Variants in ZPBP observed in about 807,000 individuals in gnomAD.
The protein encoded by ZPBP is zona pellucida binding protein, also known as zona pellucida-binding protein 1.
In ZPBP, 26 loss-of-function variants were observed where a neutral mutation model predicts 44.8. The observed-to-expected ratio is 0.58, with a 90% CI of 0.43 to 0.81. The LOEUF is 0.81. Ranked by LOEUF, ZPBP falls within the 30% of genes least tolerant of loss-of-function variation. The pLI is 0.00. For synonymous variants in ZPBP, 174 were observed against 153.2 expected (o/e 1.14, Z -1.00); for missense variants, 409 against 434.0 (o/e 0.94, Z 0.51).
At chr7:49,872,220 C>T (rs889643328) in intron 2 of ZPBP, among the ~76,000 whole-genome samples, 2 of 151,942 alleles carry the variant, frequency 1.3e-5, no homozygotes, top group South Asian at 2.1e-4. Context: ...TTAGTGACAT[C>T]GCTGGGGGTG....
intron 1 of ZPBP, among the ~76,000 whole-genome samples, chr7:49,923,245 C>G (rs1562778414): frequency 6.6e-6 from 1 of 152,032 alleles, no homozygotes; most frequent in Non-Finnish European, 1.5e-5. Context: ...CAAAGAATTC[C>G]CAAGTAGCAG....
intron 2 of ZPBP, among the ~76,000 whole-genome samples, chr7:49,892,076 G>T (rs1792161772): frequency 9.4e-6 from 1 of 106,782 alleles, no homozygotes; most frequent in Admixed American, 1.6e-4. Context: ...ACGGAGTCTC[G>T]CTCTGTGGCC....
At chr7:49,874,047 A>T (rs1223318508) in intron 2 of ZPBP, among the ~76,000 whole-genome samples, 2 of 152,084 alleles carry the variant, frequency 1.3e-5, no homozygotes, top group African/African-American at 4.8e-5. Context: ...TATAGCATAC[A>T]TGGCATATTT....
At chr7:49,969,509 C>A (rs1172386636) in intron 7 of ZPBP, among the ~76,000 whole-genome samples, 79 of 138,398 alleles carry the variant, frequency 5.7e-4, no homozygotes, top group South Asian at 6.8e-4. Flanking sequence ...ATAGTATGGT[C>A]AAAAAAAAAA....
chr7:49,902,929 C>T (rs1583797351), intron 1 of ZPBP, among the ~76,000 whole-genome samples: 1 of 151,968 alleles, frequency 6.6e-6, no homozygotes, highest in African/African-American at 2.4e-5. Flanking sequence ...AATAAAAACA[C>T]CAAACAATTC....
chr7:49,975,385 C>T lies in ZPBP; in HGVS notation c.961+7957G>A, dbSNP rs576916391. 5.9e-5 allele frequency among the ~76,000 whole-genome samples: 9 copies of T among 152,230 alleles called. No individual in the cohort carries two copies. The East Asian group carries it at 1.4e-3, about 23-fold the overall frequency. ...CTTCTCATAGTTTCCTGACTGCTCC[C>T]CAAGTCAGATTCAGGGTTTTGGAGG... On this transcript the variant is annotated intron_variant, in intron 7 of 7. Transcript: ENST00000046087.
At position 49,867,407 on chromosome 7, in the gene ZPBP, G is replaced by A. The variant is rs1329648241; in HGVS notation, n.510-16893C>T. ...CACAGAGAGGACAGATCTGGAGGACGAAGTAAGGGAAGGAGTACAGGTCAA... is the reference window on the plus strand; with the variant it reads ...CACAGAGAGGACAGATCTGGAGGACAAAGTAAGGGAAGGAGTACAGGTCAA... On this transcript the variant is annotated intron_variant and non_coding_transcript_variant, in intron 2 of 2. Transcript: ENST00000465922. Among the ~76,000 whole-genome samples, 3 of 152,188 alleles carry A rather than the reference G, an allele frequency of 2.0e-5. 1 individual carries two copies. The highest frequency in any genetic ancestry group is 7.2e-5 in the African/African-American group (3 of 41,442).
intron 2 of ZPBP, among the ~76,000 whole-genome samples, chr7:49,874,681 G>A (rs1791324221): frequency 6.6e-6 from 1 of 152,058 alleles, no homozygotes; most frequent in Admixed American, 6.5e-5. Context: ...TTATAAAATT[G>A]CTGTAACCTT....
rs758079382 is a variant in ZPBP at position 50,081,817 on chromosome 7, G to A, written c.291C>T (p.Asp97=). The part of the protein sequence containing the change: ...TQQLRNAELI[D]PSFQWYGPKG... Reference sequence around the variant, plus strand: ...TAGGCCCATACCATTGGAATGATGGGTCTATCAGTTCAGCATTTCGCAGTT... The same window carrying A: ...TAGGCCCATACCATTGGAATGATGGATCTATCAGTTCAGCATTTCGCAGTT... The change falls in exon 3 of 8, where the codon GAC becomes GAT. Residue 97 remains aspartate, a synonymous_variant. Transcript: ENST00000046087. 1.7e-5 allele frequency: 27 copies of A among 1,611,444 alleles called. No individual in the cohort carries two copies. The Admixed American group carries it at 4.0e-4, about 24-fold the overall frequency.
chr7:50,069,833 G>T (rs1181649690), intron 3 of ZPBP, among the ~76,000 whole-genome samples: 2 of 152,010 alleles, frequency 1.3e-5, no homozygotes, highest in Non-Finnish European at 2.9e-5. Flanking sequence ...GTCATAGCCT[G>T]CTGCGGCTAC....
intron 6 of ZPBP, among the ~76,000 whole-genome samples, chr7:49,990,706 A>G (rs1032862740): frequency 6.6e-6 from 1 of 152,246 alleles, no homozygotes; most frequent in Non-Finnish European, 1.5e-5. Context: ...AGCAATCTGT[A>G]AAATAAACAC....
chr7:50,085,192 T>C (rs1262740130), intron 2 of ZPBP, among the ~76,000 whole-genome samples: 3 of 152,130 alleles, frequency 2.0e-5, no homozygotes, highest in East Asian at 3.9e-4. Context: ...TACAGAGTGA[T>C]AGGGAAAAGA....
At chr7:49,869,173 T>C (rs554356981) in intron 2 of ZPBP, among the ~76,000 whole-genome samples, 1 of 152,218 alleles carries the variant, frequency 6.6e-6, no homozygotes, top group East Asian at 1.9e-4. Context: ...AGGGCACAAA[T>C]ATGAATAAAA....
intron 7 of ZPBP, among the ~76,000 whole-genome samples, chr7:49,964,238 T>C (rs1370319882): frequency 6.6e-6 from 1 of 151,930 alleles, no homozygotes; most frequent in African/African-American, 2.4e-5. Flanking sequence ...GAGGAAAATA[T>C]AAGCATAGCT....
At chr7:49,874,722 C>T (rs753800341) in intron 2 of ZPBP, among the ~76,000 whole-genome samples, 1 of 152,186 alleles carries the variant, frequency 6.6e-6, no homozygotes, top group Admixed American at 6.5e-5. Context: ...AAAGACTCCA[C>T]TAGCAGGCCT....
At chr7:50,065,034 A>G (rs968530991) in intron 3 of ZPBP, among the ~76,000 whole-genome samples, 5 of 152,182 alleles carry the variant, frequency 3.3e-5, no homozygotes, top group Admixed American at 2.6e-4. Flanking sequence ...AATCTTCACA[A>G]TCCACGTTCT....
intron 6 of ZPBP, among the ~76,000 whole-genome samples, chr7:50,003,712 T>TG (rs1400409933): frequency 7.9e-5 from 12 of 152,128 alleles, no homozygotes; most frequent in African/African-American, 2.9e-4. Context: ...ATGGAGTAAT[T>TG]GGGGAAGTAC....
chr7:49,890,896 A>G (rs986071392), intron 2 of ZPBP, among the ~76,000 whole-genome samples: 4 of 151,508 alleles, frequency 2.6e-5, no homozygotes. Context: ...TAGGAAACTC[A>G]CAAGCCAGGA....
At chr7:49,972,097 C>T (rs1430583072) in intron 7 of ZPBP, among the ~76,000 whole-genome samples, 3 of 151,832 alleles carry the variant, frequency 2.0e-5, no homozygotes, top group Non-Finnish European at 4.4e-5. Flanking sequence ...ACTCTCTCAT[C>T]ATGGTAAAGA....
Sources: allele counts gnomAD v4.1 joint callset (sites outside exome capture counted in the v4.1 genomes callset), GRCh38; gene constraint gnomAD v4.1.1; transcripts MANE v1.5; gene names NCBI Gene and HGNC (gene_info 2026-07-23, HGNC 2026-07-21).